The following RGL1 variants were observed in gnomAD, a reference collection of about 807,000 sequenced individuals.
RGL1 encodes ral guanine nucleotide dissociation stimulator like 1.
In RGL1, 24 loss-of-function variants were observed where a neutral mutation model predicts 95.2. That is an observed-to-expected ratio of 0.25 (90% CI 0.18 to 0.35). RGL1 has a LOEUF of 0.35. Ranked by LOEUF, RGL1 falls within the 10% of genes least tolerant of loss-of-function variation. The pLI, the probability that RGL1 is intolerant of heterozygous loss-of-function variation, is 1.00. For missense variants in RGL1, 715 were observed against 936.3 expected (o/e 0.76, Z 3.08); for synonymous variants, 329 against 344.9 (o/e 0.95, Z 0.51).
intron 8 of RGL1, among the ~76,000 whole-genome samples, chr1:183,890,433 T>G (rs929167153): frequency 1.3e-5 from 2 of 152,214 alleles, no homozygotes; most frequent in African/African-American, 4.8e-5. Context: ...AGCTGCATTC[T>G]GTGTAACATA....
chr1:183,776,357 C>A (rs1416703578), intron 2 of RGL1, among the ~76,000 whole-genome samples: 1 of 151,552 alleles, frequency 6.6e-6, no homozygotes. Flanking sequence ...ACCGTGTTAG[C>A]CAGGATGGTC....
intron 2 of RGL1, among the ~76,000 whole-genome samples, chr1:183,807,467 C>G (rs1661422972): frequency 6.6e-6 from 1 of 152,140 alleles, no homozygotes; most frequent in Non-Finnish European, 1.5e-5. Context: ...ATATTTTGAG[C>G]AGCATTCAAA....
chr1:183,834,999 T>G lies in RGL1; in HGVS notation c.139-12567T>G, dbSNP rs546562039. Among the ~76,000 whole-genome samples, 84 of 152,350 alleles carry G rather than the reference T, an allele frequency of 5.5e-4. 2 individuals are homozygous for G. Among genetic ancestry groups the G allele is most frequent in the Admixed American group, 4.5e-3 (69 of 15,304 alleles). ...TGCCTGGCCAAAGCACTTTTAATAC[T>G]GTTTTAATGACTGATACCAAGAGCG... is the stretch of plus-strand genomic sequence containing the variant. On this transcript the variant is annotated intron_variant, in intron 2 of 17. Coordinates refer to ENST00000360851, the MANE Select transcript of RGL1 (RefSeq NM_001297671.3).
intron 1 of RGL1, among the ~76,000 whole-genome samples, chr1:183,646,239 G>A (rs1032831515): frequency 6.6e-5 from 10 of 152,130 alleles, no homozygotes; most frequent in African/African-American, 2.2e-4. Flanking sequence ...CTATATTCCA[G>A]TAATTCCATT....
intron 2 of RGL1, among the ~76,000 whole-genome samples, chr1:183,822,846 C>T (rs1412675338): frequency 6.6e-6 from 1 of 152,112 alleles, no homozygotes; most frequent in Non-Finnish European, 1.5e-5. Context: ...GGGTGATTTC[C>T]TATGTCTCAC....
rs541076867 is a variant in RGL1, at chr1:183,732,956, C to A, written c.-32-9170C>A. Among the ~76,000 whole-genome samples, 15 of 152,176 alleles carry A rather than the reference C, an allele frequency of 9.9e-5. No individual in the cohort carries two copies. In the East Asian group the frequency reaches 2.5e-3, roughly 26 times the overall value. ...CAAAGGCTTCATTTAGGCTTAAAAC[C>A]TTTTGGTTCACTCTAAAATAATGCG... On this transcript the variant is annotated intron_variant, in intron 1 of 18. Transcript: ENST00000304685.
intron 16 of RGL1, among the ~76,000 whole-genome samples, chr1:183,917,812 C>T (rs1385337908): frequency 6.6e-6 from 1 of 152,218 alleles, no homozygotes; most frequent in African/African-American, 2.4e-5. Flanking sequence ...GTTAATCCCG[C>T]AGGCAATAGG....
At chr1:183,848,709 ATAT>A (rs1558246655) in intron 3 of RGL1, among the ~76,000 whole-genome samples, 1 of 152,242 alleles carries the variant, frequency 6.6e-6, no homozygotes, top group African/African-American at 2.4e-5. Flanking sequence ...AGATTTAAAA[ATAT>A]TAGTAGTAAG....
intron 2 of RGL1, among the ~76,000 whole-genome samples, chr1:183,755,808 G>T (rs1658291426): frequency 6.6e-6 from 1 of 152,024 alleles, no homozygotes; most frequent in Non-Finnish European, 1.5e-5. Flanking sequence ...ATGTAATCCA[G>T]CATGAGTATG....
At chr1:183,847,270 G>A (rs140663721) in intron 2 of RGL1, among the ~76,000 whole-genome samples, 3 of 152,178 alleles carry the variant, frequency 2.0e-5, no homozygotes, top group South Asian at 2.1e-4. Context: ...ATAACATAGC[G>A]AGACACTATC....
At chr1:183,875,932 A>G (rs61676107) in intron 4 of RGL1, among the ~76,000 whole-genome samples, 67,207 of 149,708 alleles carry the variant, frequency 0.45, 15,250 homozygotes, top group African/African-American at 0.49. Flanking sequence ...CCTTTCCCCC[A>G]ACTCTTTATA....
rs775440926 is a variant in RGL1, at chr1:183,648,259, G to A, written c.-33+11758G>A. 2.0e-5 allele frequency: 33 copies of A among 1,614,020 alleles called. No individual in the cohort carries two copies. Among genetic ancestry groups the A allele is most frequent in the Middle Eastern group, 1.6e-4 (1 of 6,084 alleles). On this transcript the variant is annotated intron_variant, in intron 1 of 18. Coordinates refer to the RGL1 transcript ENST00000304685. Reference sequence around the variant, plus strand: ...CGCGGCCATAAGCTGGCCAGGCTCCGGAGAGCTTCGCGGTTCCATGCTGAG... The same window carrying A: ...CGCGGCCATAAGCTGGCCAGGCTCCAGAGAGCTTCGCGGTTCCATGCTGAG...
At chr1:183,647,153 T>TC (rs1650348872) in intron 1 of RGL1, 2 of 152,940 alleles carry the variant, frequency 1.3e-5, no homozygotes, top group Admixed American at 6.5e-5. Flanking sequence ...AAGAGCTTTT[T>TC]CCCACACAAA....
chr1:183,671,629 C>G (rs6663499), intron 1 of RGL1, among the ~76,000 whole-genome samples: 12,741 of 152,092 alleles, frequency 0.084, 1,022 homozygotes, highest in African/African-American at 0.21. Context: ...GCTAATGCCC[C>G]ATAAATCTCC....
At chr1:183,693,529 T>G (rs1654080579) in intron 1 of RGL1, among the ~76,000 whole-genome samples, 1 of 151,522 alleles carries the variant, frequency 6.6e-6, no homozygotes, top group Non-Finnish European at 1.5e-5. Context: ...CTTACTCTCT[T>G]TCTTTCTTAA....
intron 1 of RGL1, among the ~76,000 whole-genome samples, chr1:183,720,984 C>A (rs1362596914): frequency 6.6e-6 from 1 of 152,098 alleles, no homozygotes. Context: ...ATCAAGTTTG[C>A]GAGGGAAATA....
At chr1:183,660,308 A>G (rs1651518167) in intron 1 of RGL1, among the ~76,000 whole-genome samples, 1 of 152,122 alleles carries the variant, frequency 6.6e-6, no homozygotes, top group South Asian at 2.1e-4. Flanking sequence ...GTATTCAGGA[A>G]ACCCATCTCA....
intron 2 of RGL1, among the ~76,000 whole-genome samples, chr1:183,783,891 C>A (rs1558205054): frequency 6.6e-6 from 1 of 151,932 alleles, no homozygotes; most frequent in Non-Finnish European, 1.5e-5. Context: ...AAGACTTTTC[C>A]AGGGTGTGGA....
At chr1:183,852,635 G>T (rs1196531448) in intron 3 of RGL1, among the ~76,000 whole-genome samples, 1 of 151,810 alleles carries the variant, frequency 6.6e-6, no homozygotes, top group African/African-American at 2.4e-5. Context: ...CCAACATGGT[G>T]AAACCCTGTC....
Sources: allele counts gnomAD v4.1 joint callset (sites outside exome capture counted in the v4.1 genomes callset), GRCh38; gene constraint gnomAD v4.1.1; transcripts MANE v1.5; gene names NCBI Gene and HGNC (gene_info 2026-07-23, HGNC 2026-07-21).